Variants in KLHL32 observed in about 807,000 individuals in gnomAD.
KLHL32 encodes the protein kelch-like protein 32.
In KLHL32, 35 loss-of-function variants were observed where a neutral mutation model predicts 64.8. The observed-to-expected ratio is 0.54, with a 90% CI of 0.41 to 0.72. The LOEUF is 0.72. Among genes scored for constraint, KLHL32 ranks in the 30% least tolerant of loss-of-function variants. The pLI is 0.00. For synonymous variants in KLHL32, 259 were observed against 281.0 expected, an observed-to-expected ratio of 0.92 and a Z score of 0.78; for missense variants, 589 against 768.5, an observed-to-expected ratio of 0.77 and a Z score of 2.76.
chr6:96,986,893 T>G (rs1777166709), intron 3 of KLHL32, among the ~76,000 whole-genome samples: 1 of 152,200 alleles, frequency 6.6e-6, no homozygotes, highest in Non-Finnish European at 1.5e-5. Context: ...ACCCACTTCC[T>G]GACACTCCCC....
At position 97,074,068 on chromosome 6, in the gene KLHL32, C is replaced by T. The variant is rs116423011; in HGVS notation, c.411+9342C>T. Among the ~76,000 whole-genome samples the T allele has an allele frequency of 9.0e-3, 1,378 of 152,306 alleles. 19 individuals are homozygous for T. Among genetic ancestry groups the T allele is most frequent in the African/African-American group, 0.032 (1,317 of 41,552 alleles). ...CTACTTCAGAGGCACAGTTGAAGGC[C>T]TCGGGTCACACAGTTTGTTTGCTGC... is the stretch of plus-strand genomic sequence containing the variant. On this transcript the variant is annotated intron_variant, in intron 5 of 10. Coordinates refer to ENST00000369261, the MANE Select transcript of KLHL32 (RefSeq NM_052904.4).
chr6:97,056,357 G>A (rs1000305791), intron 4 of KLHL32, among the ~76,000 whole-genome samples: 10 of 151,994 alleles, frequency 6.6e-5, no homozygotes, highest in Admixed American at 3.9e-4. Flanking sequence ...CTCCCGCCTT[G>A]GCCTCCCAAA....
At position 97,065,368 on chromosome 6, in the gene KLHL32, G is replaced by A. The variant is rs111529154; in HGVS notation, c.411+642G>A. On this transcript the variant is annotated intron_variant, in intron 5 of 10. Transcript: ENST00000369261. ...ATTTTTATAGATCTAAAACATCAGA[G>A]ACTCAAAATATATCCAACTTGTCTG... is the stretch of plus-strand genomic sequence containing the variant. Among the ~76,000 whole-genome samples the A allele has an allele frequency of 9.1e-3, 1,380 of 152,266 alleles. 22 individuals carry two copies. The highest frequency in any genetic ancestry group is 0.03 in the African/African-American group (1,262 of 41,550).
the KLHL32 span, among the ~76,000 whole-genome samples, chr6:96,904,434 G>A: frequency 5.3e-5 from 8 of 150,994 alleles, no homozygotes; most frequent in Non-Finnish European, 8.8e-5. Context: ...TATGCATCTC[G>A]AAATAAACTT....
chr6:96,958,557 T>C (rs1293473549), intron 1 of KLHL32, among the ~76,000 whole-genome samples: 1 of 152,182 alleles, frequency 6.6e-6, no homozygotes, highest in African/African-American at 2.4e-5. Context: ...ACAAGGCTGG[T>C]AGTGTTGGAA....
At chr6:96,912,445 AT>A in the KLHL32 span, among the ~76,000 whole-genome samples, 2 of 151,940 alleles carry the variant, frequency 1.3e-5, no homozygotes, top group Non-Finnish European at 2.9e-5. Flanking sequence ...CCTAGCACCC[AT>A]TGTGATTTTT....
At chr6:96,978,522 AT>A (rs1372790837) in intron 3 of KLHL32, among the ~76,000 whole-genome samples, 2 of 152,114 alleles carry the variant, frequency 1.3e-5, no homozygotes, top group African/African-American at 4.8e-5. Flanking sequence ...TACATACCAC[AT>A]TTTCTTTATC....
chr6:97,057,435 G>T (rs1788160244), intron 4 of KLHL32, among the ~76,000 whole-genome samples: 1 of 147,592 alleles, frequency 6.8e-6, no homozygotes, highest in Non-Finnish European at 1.5e-5. Flanking sequence ...GCCCGTCTCG[G>T]CCTCCCAAAG....
intron 3 of KLHL32, among the ~76,000 whole-genome samples, chr6:97,006,503 T>C (rs1199201694): frequency 6.6e-6 from 1 of 152,190 alleles, no homozygotes; most frequent in African/African-American, 2.4e-5. Context: ...TTTATACTGT[T>C]TACATTTAAG....
chr6:97,107,108 C>A, intron 6 of KLHL32, among the ~76,000 whole-genome samples: 1 of 152,106 alleles, frequency 6.6e-6, no homozygotes, highest in Non-Finnish European at 1.5e-5. Context: ...TTGGCTAACA[C>A]GGTGAAACCC....
intron 1 of KLHL32, among the ~76,000 whole-genome samples, chr6:96,926,356 G>T (rs1769161986): frequency 6.6e-6 from 1 of 152,208 alleles, no homozygotes; most frequent in African/African-American, 2.4e-5. Flanking sequence ...GGTAGATAGA[G>T]GGGATTTATG....
chr6:96,968,901 G>A (rs1454813731), intron 2 of KLHL32, among the ~76,000 whole-genome samples: 1 of 152,116 alleles, frequency 6.6e-6, no homozygotes, highest in Non-Finnish European at 1.5e-5. Flanking sequence ...CATCCTCCTA[G>A]GGCATGGTTT....
At chr6:96,903,747 T>G in the KLHL32 span, among the ~76,000 whole-genome samples, 11 of 152,192 alleles carry the variant, frequency 7.2e-5, no homozygotes, top group African/African-American at 2.7e-4. Flanking sequence ...CAATATAGAT[T>G]TGGTTAAATT....
At chr6:97,001,817 CTCTGAAGATGA>C (rs1159650293) in intron 3 of KLHL32, among the ~76,000 whole-genome samples, 4 of 152,156 alleles carry the variant, frequency 2.6e-5, no homozygotes, top group Non-Finnish European at 5.9e-5. Context: ...GAGAGTAGCA[CTCTGAAGATGA>C]TCTGCCTGGC....
intron 6 of KLHL32, among the ~76,000 whole-genome samples, chr6:97,103,421 G>A (rs568384574): frequency 1.8e-4 from 28 of 152,174 alleles, no homozygotes; most frequent in Non-Finnish European, 3.5e-4. Flanking sequence ...CACCATGTTA[G>A]CCAGGATGGT....
intron 3 of KLHL32, among the ~76,000 whole-genome samples, chr6:97,003,588 T>A (rs1432491830): frequency 6.6e-6 from 1 of 152,208 alleles, no homozygotes; most frequent in Non-Finnish European, 1.5e-5. Flanking sequence ...TGAAATGGTA[T>A]TTCCTAGATT....
chr6:97,055,734 G>C lies in KLHL32; in HGVS notation c.313-8894G>C, dbSNP rs910341938. The stretch of plus-strand genomic sequence containing the variant: ...AATTGCTTGAACCTGGGAGGTGGAG[G>C]TTGCAGTGGGCCGATATCGTGCCCC... On this transcript the variant is annotated intron_variant, in intron 4 of 10. Transcript: ENST00000369261. 1.0e-4 allele frequency among the ~76,000 whole-genome samples: 15 copies of C among 146,008 alleles called. 1 individual carries two copies. Among genetic ancestry groups the C allele is most frequent in the Non-Finnish European group, 2.1e-4 (14 of 67,122 alleles).
At chr6:96,904,500 A>G in the KLHL32 span, among the ~76,000 whole-genome samples, 1 of 152,342 alleles carries the variant, frequency 6.6e-6, no homozygotes, top group East Asian at 1.9e-4. Context: ...AAGAACATAA[A>G]GAAACACACA....
intron 5 of KLHL32, among the ~76,000 whole-genome samples, chr6:97,066,730 A>G (rs911661975): frequency 5.9e-5 from 9 of 152,308 alleles, no homozygotes; most frequent in African/African-American, 2.2e-4. Context: ...CTTCTCTCTT[A>G]GGATTATAAA....
Sources: allele counts gnomAD v4.1 joint callset (sites outside exome capture counted in the v4.1 genomes callset), GRCh38; gene constraint gnomAD v4.1.1; transcripts MANE v1.5; gene names NCBI Gene and HGNC (gene_info 2026-07-23, HGNC 2026-07-21).